FGF13: variants seen among roughly 807,000 people sequenced by gnomAD.
FGF13 encodes fibroblast growth factor 13.
FGF13 carries 2 observed loss-of-function variants against 19.5 expected under a neutral mutation model. That is an observed-to-expected ratio of 0.10 (90% CI 0.04 to 0.32). FGF13 has a LOEUF of 0.32. Ranked by LOEUF, FGF13 falls within the 10% of genes least tolerant of loss-of-function variation. The probability of loss-of-function intolerance (pLI) is 1.00; values close to 1 mark genes in which losing one functional copy is unlikely to be tolerated. For missense variants in FGF13, 113 were observed against 192.7 expected (o/e 0.59, Z 2.45); for synonymous variants, 72 against 76.9 (o/e 0.94, Z 0.33).
chrX:139,083,806 G>A (rs1295978408), intron 1 of FGF13, among the ~76,000 whole-genome samples: 1 of 111,365 alleles, frequency 9.0e-6, no homozygotes, highest in Non-Finnish European at 1.9e-5. Context: ...GGGAGTCAGA[G>A]GTTGCAGTAA....
chrX:138,903,825 ATAGAG>A (rs2091544167), intron 1 of FGF13, among the ~76,000 whole-genome samples: 1 of 111,821 alleles, frequency 8.9e-6, no homozygotes, highest in Admixed American at 9.5e-5. Flanking sequence ...CTCCCCCAAA[ATAGAG>A]TATTCTATGC....
At chrX:138,957,308 G>C (rs2091845661) in intron 1 of FGF13, among the ~76,000 whole-genome samples, 1 of 111,966 alleles carries the variant, frequency 8.9e-6, no homozygotes. Flanking sequence ...TGGCACAGCT[G>C]CTGGGTGCAT....
rs144030381 is a variant in FGF13 at position 138,783,879 on chromosome X, G to A, written c.217+73633C>T. ...ACACATGCACATGTATGTCTATTGC[G>A]ACATTATTCACGATAGCAAAGACTT... On this transcript the variant is annotated intron_variant, in intron 3 of 6. Transcript: ENST00000436198. Among the ~76,000 whole-genome samples, 1,042 of 109,946 alleles carry A rather than the reference G, an allele frequency of 9.5e-3. 14 individuals are homozygous for A. Among genetic ancestry groups the A allele is most frequent in the African/African-American group, 0.033 (1,005 of 30,155 alleles).
At chrX:139,079,401 G>C (rs1353446071) in intron 1 of FGF13, among the ~76,000 whole-genome samples, 1 of 110,531 alleles carries the variant, frequency 9.0e-6, no homozygotes, top group Non-Finnish European at 1.9e-5. Context: ...AAAAACAGAA[G>C]ATAAAACTAG....
intron 1 of FGF13, among the ~76,000 whole-genome samples, chrX:138,724,485 T>C (rs2090170720): frequency 9.0e-6 from 1 of 111,581 alleles, no homozygotes; most frequent in Admixed American, 9.5e-5. Context: ...CTTGACAGAG[T>C]CTCAGTACTA....
At chrX:138,801,145 TGGA>T (rs2090825818) in intron 3 of FGF13, among the ~76,000 whole-genome samples, 3 of 112,335 alleles carry the variant, frequency 2.7e-5, no homozygotes, top group African/African-American at 9.7e-5. Context: ...TACAATCATT[TGGA>T]GGAGAAGAGG....
At chrX:139,056,763 G>T (rs942816443) in intron 1 of FGF13, among the ~76,000 whole-genome samples, 29 of 112,138 alleles carry the variant, frequency 2.6e-4, no homozygotes, top group African/African-American at 7.4e-4. Context: ...TTGCTGAAAA[G>T]TCACTTTAAG....
rs2088982582 is a variant in FGF13, at chrX:138,617,880, C to T, written c.*14970G>A. The T allele has an allele frequency of 9.0e-6, 1 of 110,796 alleles. No individual in the cohort carries two copies. The allele number at this position is 110,796 out of a possible 1,213,427, so 9.1% of individuals were successfully genotyped here. ...ATCACTTGACCCAAGAAATTCGAGG[C>T]TGCAGTGAGCTGCGATTGTGCCACT... On this transcript the variant is annotated 3_prime_UTR_variant, in exon 5 of 5. Coordinates refer to ENST00000315930, the MANE Select transcript of FGF13 (RefSeq NM_004114.5).
At chrX:138,952,220 C>A (rs990579886) in intron 1 of FGF13, among the ~76,000 whole-genome samples, 9 of 111,297 alleles carry the variant, frequency 8.1e-5, no homozygotes, top group African/African-American at 2.3e-4. Flanking sequence ...GTACTGGTAC[C>A]AAAACAGAGA....
At chrX:138,780,719 G>T (rs1375358400) in intron 3 of FGF13, among the ~76,000 whole-genome samples, 1 of 108,722 alleles carries the variant, frequency 9.2e-6, no homozygotes, top group Non-Finnish European at 1.9e-5. Flanking sequence ...AGTAATGGGA[G>T]ACTTTAACAC....
At position 138,663,546 on chromosome X, in the gene FGF13, C is replaced by T. The variant is rs185378090; in HGVS notation, c.403-27891G>A. Reference sequence around the variant, plus strand: ...AGGATGACAATTTCTAAACTCATACCTTGTGTTCAGCCATCTATTAAAACC... The same window carrying T: ...AGGATGACAATTTCTAAACTCATACTTTGTGTTCAGCCATCTATTAAAACC... On this transcript the variant is annotated intron_variant, in intron 3 of 4. Transcript: ENST00000315930. Among the ~76,000 whole-genome samples, 178 of 111,559 alleles carry T rather than the reference C, an allele frequency of 1.6e-3. 1 individual carries two copies. The highest frequency in any genetic ancestry group is 2.3e-3 in the Non-Finnish European group (120 of 53,046).
At chrX:139,167,833 A>T (rs2084098776) in intron 1 of FGF13, among the ~76,000 whole-genome samples, 2 of 112,401 alleles carry the variant, frequency 1.8e-5, no homozygotes, top group Admixed American at 1.9e-4. Context: ...TTAAAAGAAA[A>T]AAGCATAGGA....
At chrX:138,707,385 GGCAGCTAATCATGAACTT>G (rs2090002539) in intron 2 of FGF13, among the ~76,000 whole-genome samples, 1 of 111,162 alleles carries the variant, frequency 9.0e-6, no homozygotes, top group Non-Finnish European at 1.9e-5. Context: ...TAGGCTCACT[GGCAGCTAATCATGAACTT>G]GCCTTCAATA....
At chrX:138,984,051 G>A (rs746280039) in intron 1 of FGF13, among the ~76,000 whole-genome samples, 2 of 111,796 alleles carry the variant, frequency 1.8e-5, no homozygotes, top group Admixed American at 9.5e-5. Context: ...GAGCAATAAA[G>A]ACCAGTGCTA....
chrX:138,929,862 G>C (rs958433397), intron 1 of FGF13, among the ~76,000 whole-genome samples: 434 of 21,778 alleles, frequency 0.02, 3 homozygotes, highest in East Asian at 0.07. Context: ...AGCTGTGTGT[G>C]TGTGTGTGTG....
chrX:138,836,450 G>A (rs1317589728), intron 3 of FGF13, among the ~76,000 whole-genome samples: 1 of 111,767 alleles, frequency 8.9e-6, no homozygotes, highest in Admixed American at 9.5e-5. Flanking sequence ...TTCAAGCTCT[G>A]AGAGTCTTTC....
chrX:139,202,355 T>C (rs1441631513), intron 1 of FGF13, among the ~76,000 whole-genome samples: 1 of 111,830 alleles, frequency 8.9e-6, no homozygotes, highest in African/African-American at 3.3e-5. Flanking sequence ...GGGCCCTCAG[T>C]GGAAAACAAA....
At chrX:138,947,004 C>A (rs908918666) in intron 1 of FGF13, among the ~76,000 whole-genome samples, 6 of 112,187 alleles carry the variant, frequency 5.3e-5, no homozygotes, top group Non-Finnish European at 1.1e-4. Flanking sequence ...GCAGAGGCCA[C>A]AGGACAAATC....
intron 1 of FGF13, among the ~76,000 whole-genome samples, chrX:139,112,752 T>C: frequency 8.9e-6 from 1 of 112,180 alleles, no homozygotes; most frequent in East Asian, 2.8e-4. Flanking sequence ...ACACAATGTA[T>C]ACACAGTACC....
Sources: gnomAD v4.1 joint callset for allele counts (sites outside exome capture counted in the v4.1 genomes callset) on GRCh38, gnomAD v4.1.1 for gene constraint, MANE v1.5 for transcripts, NCBI Gene and HGNC (gene_info 2026-07-23, HGNC 2026-07-21) for gene names.